ERMAP: variants seen among roughly 807,000 people sequenced by gnomAD.
The protein encoded by ERMAP is erythroblast membrane associated protein (Scianna blood group).
Under a neutral mutation model 49.5 loss-of-function variants are expected in ERMAP, and 34 were observed. That is an observed-to-expected ratio of 0.69 (90% CI 0.52 to 0.91). The LOEUF is 0.91. Ranked by LOEUF, ERMAP falls within the 40% of genes least tolerant of loss-of-function variation. The probability of loss-of-function intolerance (pLI) is 0.00; values close to 1 mark genes in which losing one functional copy is unlikely to be tolerated. For missense variants in ERMAP, 541 were observed against 582.6 expected (o/e 0.93, Z 0.74); for synonymous variants, 214 against 232.2 (o/e 0.92, Z 0.71).
chr1:42,821,689 A>G (rs1654408691), intron 1 of ERMAP, among the ~76,000 whole-genome samples: 1 of 152,168 alleles, frequency 6.6e-6, no homozygotes, highest in African/African-American at 2.4e-5. Flanking sequence ...AGTTTATATG[A>G]GTTATATTTT....
chr1:42,840,296 G>C lies in ERMAP; in HGVS notation c.712G>C (p.Val238Leu). The C allele has an allele frequency of 6.2e-7, 1 of 1,613,984 alleles. No homozygotes were observed. Among genetic ancestry groups the C allele is most frequent in the Non-Finnish European group, 8.5e-7 (1 of 1,179,992 alleles). Residue 238 changes from valine (V) to leucine (L), a missense_variant and splice_region_variant, in exon 11 of 12, where the codon GTG becomes CTG. Val to Leu is a conservative substitution (Grantham distance 32). Coordinates refer to ENST00000372517, the MANE Select transcript of ERMAP (RefSeq NM_001017922.2). ...CTGGAGAAGAGCCCGGTTGCATTTT[G>C]GTAAGTTATACCAATCAAATAGGTC... is the stretch of plus-strand genomic sequence containing the variant. ...SGWRRARLHF[V>L]AVTLDPDTAH...
intron 8 of ERMAP, chr1:42,839,606 A>G (rs1057216074): frequency 5.0e-6 from 1 of 198,608 alleles, no homozygotes; most frequent in East Asian, 1.3e-4. Flanking sequence ...GCGAAACTCC[A>G]TCTCAAAATA....
intron 11 of ERMAP, among the ~76,000 whole-genome samples, chr1:42,840,783 G>C (rs1281701966): frequency 6.6e-6 from 1 of 151,906 alleles, no homozygotes; most frequent in African/African-American, 2.4e-5. Context: ...TTTCTGTGTA[G>C]TCTCTTCCAT....
At position 42,835,143 on chromosome 1, in the gene ERMAP, G is replaced by A. The variant is rs1048400447; in HGVS notation, c.539G>A (p.Arg180Lys). 2.1e-6 allele frequency: 3 copies of A among 1,425,152 alleles called. No homozygotes were observed. Among genetic ancestry groups the A allele is most frequent in the Middle Eastern group, 1.7e-4 (1 of 5,730 alleles). 88.3% of individuals were successfully genotyped at this position (1,425,152 alleles called of 1,614,324 possible). The change falls in exon 5 of 12, where the codon AGA (arginine) becomes AAA (lysine). Residue 180 changes from arginine to lysine, a missense_variant. Transcript: ENST00000372517. ...MVCLCLIWKQRRAKEKLLYEH... is the reference protein window; with the variant it reads ...MVCLCLIWKQKRAKEKLLYEH... ...TGCCTTTGCCTTATCTGGAAGCAAA[G>A]AAGAGCAAAAGGTAATTAAATGGTA...
Position 42,826,222 on chromosome 1 carries a change from A to G in ERMAP, c.-6+484A>G, listed in dbSNP as rs191199142. 2.9e-3 allele frequency among the ~76,000 whole-genome samples: 447 copies of G among 152,386 alleles called. 1 individual carries two copies. Among genetic ancestry groups the G allele is most frequent in the Admixed American group, 5.6e-3 (85 of 15,310 alleles). ...TAGTATATGCAGAATTTTGCAAACC[A>G]TTAAGAAATAAATGTCCCAATAGAT... On this transcript the variant is annotated intron_variant, in intron 2 of 11. Coordinates refer to ENST00000372517, the MANE Select transcript of ERMAP (RefSeq NM_001017922.2).
chr1:42,836,594 G>A (rs748488951), intron 6 of ERMAP, among the ~76,000 whole-genome samples: 1 of 152,146 alleles, frequency 6.6e-6, no homozygotes, highest in Non-Finnish European at 1.5e-5. Context: ...GGTGGCTCAC[G>A]CCTGTAATCC....
At chr1:42,827,448 C>G (rs1177659647) in intron 2 of ERMAP, among the ~76,000 whole-genome samples, 1 of 152,244 alleles carries the variant, frequency 6.6e-6, no homozygotes, top group Non-Finnish European at 1.5e-5. Context: ...GCTGGGATTA[C>G]AGGCGTGAGC....
intron 2 of ERMAP, among the ~76,000 whole-genome samples, chr1:42,826,857 A>AG (rs1654568637): frequency 6.6e-6 from 1 of 151,212 alleles, no homozygotes; most frequent in African/African-American, 2.4e-5. Flanking sequence ...TCTGTCTCAA[A>AG]AAAAAAAAAA....
At chr1:42,824,682 T>G (rs1654493033) in intron 1 of ERMAP, 2 of 152,222 alleles carry the variant, frequency 1.3e-5, no homozygotes, top group South Asian at 4.1e-4. Flanking sequence ...TACTTACCAC[T>G]ATGAACCACC....
At chr1:42,817,373 C>A in intron 1 of ERMAP, 120 bp downstream of exon 1, 6 of 590,366 alleles carry the variant, frequency 1.0e-5, no homozygotes, top group Non-Finnish European at 1.3e-5. Flanking sequence ...GGCTTCCGCC[C>A]GCAGGAGCGG....
intron 2 of ERMAP, among the ~76,000 whole-genome samples, chr1:42,828,986 G>A (rs1423653466): frequency 6.6e-6 from 1 of 152,164 alleles, no homozygotes; most frequent in East Asian, 1.9e-4. Context: ...TAGGGATAAC[G>A]CCAGGGAATC....
intron 2 of ERMAP, among the ~76,000 whole-genome samples, chr1:42,826,419 G>A (rs1471078930): frequency 6.6e-6 from 1 of 152,116 alleles, no homozygotes; most frequent in Non-Finnish European, 1.5e-5. Context: ...TGATGGTAAG[G>A]TTGTGGGAAA....
intron 4 of ERMAP, among the ~76,000 whole-genome samples, chr1:42,831,575 C>CTTTTTTTT (rs796367653): frequency 1.5e-4 from 13 of 84,010 alleles, no homozygotes; most frequent in African/African-American, 2.8e-4. Context: ...TTTTTTTTCT[C>CTTTTTTTT]TTTTTTTTTT....
intron 2 of ERMAP, among the ~76,000 whole-genome samples, chr1:42,828,312 T>C (rs1654613289): frequency 2.0e-5 from 3 of 152,064 alleles, no homozygotes; most frequent in Non-Finnish European, 4.4e-5. Context: ...TCATTTTACA[T>C]GTATTTTCTT....
chr1:42,828,951 C>G (rs1359797572), intron 2 of ERMAP, among the ~76,000 whole-genome samples: 1 of 152,142 alleles, frequency 6.6e-6, no homozygotes, highest in Non-Finnish European at 1.5e-5. Flanking sequence ...TTCAGAGTCA[C>G]TAGAAAGTTG....
chr1:42,837,960 C>A (rs1470772847), intron 7 of ERMAP: 2 of 152,274 alleles, frequency 1.3e-5, no homozygotes, highest in Non-Finnish European at 2.9e-5. Context: ...GAAGAGGGAA[C>A]AGTGTGGGGT....
At position 42,828,491 on chromosome 1, in the gene ERMAP, T is replaced by TTA. The variant is rs377045316; in HGVS notation, c.-5-1953_-5-1952insTA. 6.1e-3 allele frequency among the ~76,000 whole-genome samples: 889 copies of TTA among 144,794 alleles called. 13 individuals are homozygous for TTA. The highest frequency in any genetic ancestry group is 0.023 in the African/African-American group (854 of 36,632). 95.0% of individuals were successfully genotyped at this position (144,794 alleles called of 152,430 possible). On this transcript the variant is annotated intron_variant, in intron 2 of 11. Transcript: ENST00000372517. Reference sequence around the variant, plus strand: ...CTGACTCTAGAGCTCATTCTTTTTTTAAAAAAATTTTTTTTTTTTTTTGAG... The same window carrying TTA: ...CTGACTCTAGAGCTCATTCTTTTTTTTAAAAAAAATTTTTTTTTTTTTTTGAG...
At position 42,842,768 on chromosome 1, in the gene ERMAP, G is replaced by A; in HGVS notation, c.964G>A (p.Ala322Thr). Reference sequence around the variant, plus strand: ...AGTGAGCAGGAAGGGGAAGGTTACTGCCTCACCTGCCAATGGACACTGGCT... The same window carrying A: ...AGTGAGCAGGAAGGGGAAGGTTACTACCTCACCTGCCAATGGACACTGGCT... ...ESVSRKGKVT[A>T]SPANGHWLLR... The change falls in exon 12 of 12, where the codon GCC becomes ACC. Residue 322 changes from alanine (A) to threonine (T), a missense_variant. Coordinates refer to ENST00000372517, the MANE Select transcript of ERMAP (RefSeq NM_001017922.2). 1.2e-6 allele frequency: 2 copies of A among 1,614,164 alleles called. No individual in the cohort carries two copies. The highest frequency in any genetic ancestry group is 1.1e-5 in the South Asian group (1 of 91,084).
At position 42,819,864 on chromosome 1, in the gene ERMAP, G is replaced by A. The variant is rs1341207808; in HGVS notation, c.-122+2611G>A. Reference sequence around the variant, plus strand: ...TTCACAGCTCTTGTCCTAGGATTAGGGACCTAACCACATTCTGGGGATTCT... The same window carrying A: ...TTCACAGCTCTTGTCCTAGGATTAGAGACCTAACCACATTCTGGGGATTCT... On this transcript the variant is annotated intron_variant, in intron 1 of 11. Coordinates refer to ENST00000372517, the MANE Select transcript of ERMAP (RefSeq NM_001017922.2). The surrounding 1 kb of genome is among the most constrained non-coding windows in gnomAD (Gnocchi z 5.1). 2.6e-5 allele frequency among the ~76,000 whole-genome samples: 4 copies of A among 151,868 alleles called. No individual in the cohort carries two copies. Among genetic ancestry groups the A allele is most frequent in the Admixed American group, 1.3e-4 (2 of 15,240 alleles).
Sources: allele counts gnomAD v4.1 joint callset (sites outside exome capture counted in the v4.1 genomes callset), GRCh38; gene constraint gnomAD v4.1.1; non-coding constraint Gnocchi (gnomAD v3.1); transcripts MANE v1.5; gene names NCBI Gene and HGNC (gene_info 2026-07-23, HGNC 2026-07-21).